The following JAK2 variants were observed in gnomAD, a reference collection of about 807,000 sequenced individuals.
JAK2 encodes tyrosine-protein kinase JAK2.
In JAK2, 86 loss-of-function variants were observed where a neutral mutation model predicts 139.3. The observed-to-expected ratio is 0.62, with a 90% CI of 0.52 to 0.74. JAK2 has a LOEUF of 0.74. Among genes scored for constraint, JAK2 ranks in the 30% least tolerant of loss-of-function variants. The probability of loss-of-function intolerance (pLI) is 0.00; values close to 1 mark genes in which losing one functional copy is unlikely to be tolerated. For missense variants in JAK2, 1,421 were observed against 1,360.3 expected, an observed-to-expected ratio of 1.04 and a Z score of -0.70; for synonymous variants, 490 against 437.7, an observed-to-expected ratio of 1.12 and a Z score of -1.49.
At chr9:5,042,241 C>T (rs1382486957) in intron 4 of JAK2, among the ~76,000 whole-genome samples, 1 of 151,598 alleles carries the variant, frequency 6.6e-6, no homozygotes, top group Admixed American at 6.6e-5. Context: ...GGGTTCCCGC[C>T]ATTCTCCTGC....
rs538021520 is a variant in JAK2, at chr9:5,089,608, A to G, written c.2572-66A>G. ...AGCTACTAGAATTTTCTATATAATT[A>G]TAAAATTTATTTGTAATTTGCCTTG... On this transcript the variant is annotated intron_variant, in intron 19 of 24. Transcript: ENST00000381652. 7.4e-6 allele frequency: 5 copies of G among 672,718 alleles called. No individual in the cohort carries two copies. In the African/African-American group the frequency reaches 9.4e-5, roughly 13 times the overall value. 41.7% of individuals were successfully genotyped at this position (672,718 alleles called of 1,614,324 possible). A position where few individuals can be genotyped will look rare whatever the true frequency, so the allele number is the denominator to read the frequency against.
chr9:4,992,557 G>A (rs888696820), intron 2 of JAK2, among the ~76,000 whole-genome samples: 1 of 152,062 alleles, frequency 6.6e-6, no homozygotes, highest in East Asian at 1.9e-4. Flanking sequence ...TGAAATACAC[G>A]CAAAATACAC....
At chr9:5,051,806 T>C (rs1328422157) in intron 6 of JAK2, among the ~76,000 whole-genome samples, 1 of 152,138 alleles carries the variant, frequency 6.6e-6, no homozygotes, top group Non-Finnish European at 1.5e-5. Context: ...ATCAAAACAG[T>C]TACATACCCA....
chr9:5,122,738 T>G (rs181736088), intron 22 of JAK2, among the ~76,000 whole-genome samples: 1 of 151,950 alleles, frequency 6.6e-6, no homozygotes, highest in Non-Finnish European at 1.5e-5. Context: ...AGAAGAAAAG[T>G]AGATGTCAGC....
rs528625311 is a variant in JAK2 at position 4,989,624 on chromosome 9, C to T, written c.-26+3602C>T. 1.2e-4 allele frequency among the ~76,000 whole-genome samples: 19 copies of T among 152,222 alleles called. No homozygotes were observed. The South Asian group carries it at 3.5e-3, about 28-fold the overall frequency. ...AAGAAATATAAAATAGGCTCCTTTC[C>T]CTAAGGACTTACAGTATAATTGGGC... is the stretch of plus-strand genomic sequence containing the variant. On this transcript the variant is annotated intron_variant, in intron 2 of 24. Transcript: ENST00000381652.
chr9:5,044,379 C>G, intron 4 of JAK2, 24 bp from the exon 5 acceptor site: 1 of 1,460,216 alleles, frequency 6.8e-7, no homozygotes, highest in South Asian at 1.1e-5. Context: ...TGGAAGCTGA[C>G]CAAATGTTTT....
At chr9:5,076,357 T>C (rs1392646051) in intron 14 of JAK2, among the ~76,000 whole-genome samples, 4 of 152,168 alleles carry the variant, frequency 2.6e-5, no homozygotes, top group South Asian at 2.1e-4. Flanking sequence ...GTGAATTTCA[T>C]TGTTGTCTTA....
chr9:5,115,038 G>C (rs1449749669), intron 22 of JAK2, among the ~76,000 whole-genome samples: 1 of 152,086 alleles, frequency 6.6e-6, no homozygotes, highest in Non-Finnish European at 1.5e-5. Context: ...AACACCAAAA[G>C]CAATGGCAAC....
At chr9:5,000,643 T>A (rs2129833617) in intron 2 of JAK2, among the ~76,000 whole-genome samples, 1 of 152,326 alleles carries the variant, frequency 6.6e-6, no homozygotes, top group African/African-American at 2.4e-5. Context: ...CCAATTTTTA[T>A]AAATTTTCCC....
At chr9:5,063,057 A>G (rs780592419) in intron 8 of JAK2, among the ~76,000 whole-genome samples, 1 of 152,076 alleles carries the variant, frequency 6.6e-6, no homozygotes, top group African/African-American at 2.4e-5. Flanking sequence ...TGTGTTAGCT[A>G]AATACCTTTT....
intron 3 of JAK2, 28 bp from the exon 4 acceptor site, chr9:5,029,755 A>C (rs758461525): frequency 1.9e-6 from 3 of 1,589,790 alleles, no homozygotes; most frequent in Non-Finnish European, 2.6e-6. Flanking sequence ...TGTACCTTTA[A>C]TAATTCCTTT....
In JAK2 at chr9:5,069,035, T is replaced by C; in HGVS notation, c.1340T>C (p.Ile447Thr). The C allele has an allele frequency of 1.9e-6, 3 of 1,579,990 alleles. No individual in the cohort carries two copies. The highest frequency in any genetic ancestry group is 2.6e-6 in the Non-Finnish European group (3 of 1,161,362). The change falls in exon 11 of 25, where the codon ATT becomes ACT. Residue 447 changes from isoleucine to threonine, a missense_variant. By Grantham distance (89) the Ile-to-Thr change is moderately conservative. Transcript: ENST00000381652. ...LTFAVERENV[I>T]EYKHCLITKN... ...AAACTTATACAGCGAGAAAATGTCA[T>C]TGAATATAAACACTGTTTGATTACA... is the stretch of plus-strand genomic sequence containing the variant.
intron 2 of JAK2, among the ~76,000 whole-genome samples, chr9:4,996,176 G>A (rs1044624233): frequency 6.6e-6 from 1 of 152,160 alleles, no homozygotes. Context: ...TTATTTTAGA[G>A]GGTCAAATTT....
chr9:5,000,925 A>G (rs765186847), intron 2 of JAK2, among the ~76,000 whole-genome samples: 11 of 152,226 alleles, frequency 7.2e-5, no homozygotes, highest in Non-Finnish European at 1.0e-4. Context: ...GGAATTGGCT[A>G]GCCCTGGAAG....
chr9:5,051,578 T>A (rs796400796), intron 6 of JAK2, among the ~76,000 whole-genome samples: 3 of 152,302 alleles, frequency 2.0e-5, no homozygotes, highest in African/African-American at 7.2e-5. Flanking sequence ...ATTCTTCAAA[T>A]TATTCTTCTG....
rs935066162 is a variant in JAK2, at chr9:5,085,444, T to C, written c.2571+3583T>C. The C allele has an allele frequency of 6.8e-6, 5 of 740,236 alleles. No individual in the cohort carries two copies. The African/African-American group carries it at 8.6e-5, about 13-fold the overall frequency. The allele number at this position is 740,236 out of a possible 1,614,324, so 45.9% of individuals were successfully genotyped here. A position where few individuals can be genotyped will look rare whatever the true frequency, so the allele number is the denominator to read the frequency against. ...GTTGGCTATCAGGCTCGCAGTATTC[T>C]TGAAGGTCTTTTCAAGGTATTGTGC... On this transcript the variant is annotated intron_variant, in intron 19 of 24. Transcript: ENST00000381652.
intron 14 of JAK2, among the ~76,000 whole-genome samples, chr9:5,075,396 G>A (rs1819242035): frequency 1.3e-5 from 2 of 152,168 alleles, no homozygotes; most frequent in Non-Finnish European, 2.9e-5. Context: ...AGCTTCGAAG[G>A]ACAGGCTGAC....
At position 5,081,585 on chromosome 9, in the gene JAK2, A is replaced by G. The variant is rs7034539; in HGVS notation, c.2435-140A>G. ...GTAATGATTAAAGGCTCCCATTAAT[A>G]TAATTGAAACTATTTGAGTTTCCCT... is the stretch of plus-strand genomic sequence containing the variant. On this transcript the variant is annotated intron_variant, in intron 18 of 24. Coordinates refer to ENST00000381652, the MANE Select transcript of JAK2 (RefSeq NM_004972.4). The G allele has an allele frequency of 0.23, 135,666 of 599,198 alleles. 16,482 individuals carry two copies. The highest frequency in any genetic ancestry group is 0.36 in the African/African-American group (19,547 of 53,806). 37.1% of individuals were successfully genotyped at this position (599,198 alleles called of 1,614,324 possible). A position where few individuals can be genotyped will look rare whatever the true frequency, so the allele number is the denominator to read the frequency against.
rs1819621092 is a variant in JAK2 at position 5,080,634 on chromosome 9, G to A, written c.2385G>A (p.Arg795=). Reference sequence around the variant, plus strand: ...GTATGGATTATGAACCAGATTTCAGGCCTTCTTTCAGAGCCATCATACGAG... The same window carrying A: ...GTATGGATTATGAACCAGATTTCAGACCTTCTTTCAGAGCCATCATACGAG... ...NNCMDYEPDF[R]PSFRAIIRDL... is the part of the protein sequence containing the mutation. Residue 795 remains arginine, a synonymous_variant, in exon 18 of 25, where the codon AGG becomes AGA. Transcript: ENST00000381652. 2 of 1,598,180 alleles carry A rather than the reference G, an allele frequency of 1.3e-6. No individual in the cohort carries two copies. The highest frequency in any genetic ancestry group is 1.7e-6 in the Non-Finnish European group (2 of 1,174,682).
Sources: gnomAD v4.1 joint callset for allele counts (sites outside exome capture counted in the v4.1 genomes callset) on GRCh38, gnomAD v4.1.1 for gene constraint, MANE v1.5 for transcripts, NCBI Gene and HGNC (gene_info 2026-07-23, HGNC 2026-07-21) for gene names.